BTAF1: variants seen among roughly 807,000 people sequenced by gnomAD.
BTAF1 encodes the protein TATA-binding protein-associated factor 172.
BTAF1 carries 38 observed loss-of-function variants against 227.1 expected under a neutral mutation model. The observed-to-expected ratio is 0.17, with a 90% CI of 0.13 to 0.22. BTAF1 has a LOEUF of 0.22. Among genes scored for constraint, BTAF1 ranks in the 10% least tolerant of loss-of-function variants. BTAF1 has a pLI of 1.00. For missense variants in BTAF1, 1,598 were observed against 2,204.0 expected (o/e 0.73, Z 5.51); for synonymous variants, 742 against 751.9 (o/e 0.99, Z 0.21).
chr10:91,937,779 TC>T (rs1356724759), intron 2 of BTAF1, among the ~76,000 whole-genome samples: 2 of 152,194 alleles, frequency 1.3e-5, no homozygotes, highest in African/African-American at 4.8e-5. Flanking sequence ...AGGTTTTTTT[TC>T]CATTCTCCAG....
chr10:92,025,481 C>T (rs1191702972), intron 35 of BTAF1, among the ~76,000 whole-genome samples: 1 of 151,718 alleles, frequency 6.6e-6, no homozygotes, highest in African/African-American at 2.4e-5. Flanking sequence ...TGCTTAGTCC[C>T]AAAGCTGCTG....
In BTAF1 at chr10:92,016,442, A is replaced by G. The variant is rs376364195; in HGVS notation, c.4687A>G (p.Lys1563Glu). Reference sequence around the variant, plus strand: ...TGAAGAAACTGAAAAACCAAAGCTTAAAGCTACAGGCCACGTATTCCAGGT... The same window carrying G: ...TGAAGAAACTGAAAAACCAAAGCTTGAAGCTACAGGCCACGTATTCCAGGT... ...LSEETEKPKL[K>E]ATGHVFQALQ... The change falls in exon 33 of 38, where the codon AAA becomes GAA. Residue 1563 changes from lysine (K) to glutamate (E), a missense_variant. Physicochemically the swap from Lys to Glu is moderately conservative, Grantham distance 56. Coordinates refer to ENST00000265990, the MANE Select transcript of BTAF1 (RefSeq NM_003972.3). 24 of 1,584,914 alleles carry G rather than the reference A, an allele frequency of 1.5e-5. No individual in the cohort carries two copies. The African/African-American group carries it at 2.5e-4, about 16-fold the overall frequency.
At chr10:92,004,130 C>G (rs999233795) in intron 25 of BTAF1, among the ~76,000 whole-genome samples, 1 of 151,922 alleles carries the variant, frequency 6.6e-6, no homozygotes, top group African/African-American at 2.4e-5. Flanking sequence ...AGATACTAAC[C>G]TCTTATCAAG....
intron 21 of BTAF1, among the ~76,000 whole-genome samples, chr10:91,993,366 CA>C (rs1304815026): frequency 2.6e-5 from 4 of 152,054 alleles, no homozygotes; most frequent in Non-Finnish European, 4.4e-5. Flanking sequence ...CTCTAGCTGA[CA>C]AGTTTCTTTG....
At chr10:91,978,917 T>G (rs1847892950) in intron 14 of BTAF1, among the ~76,000 whole-genome samples, 1 of 151,520 alleles carries the variant, frequency 6.6e-6, no homozygotes, top group Non-Finnish European at 1.5e-5. Context: ...GTTGTAAGAT[T>G]ATTTTGCCAC....
At chr10:91,956,834 T>G (rs12262352) in intron 7 of BTAF1, among the ~76,000 whole-genome samples, 177 bp downstream of exon 7, 1 of 151,738 alleles carries the variant, frequency 6.6e-6, no homozygotes, top group Admixed American at 6.6e-5. Context: ...ACTAAAGATA[T>G]AAAAAATTAG....
chr10:91,926,948 A>G (rs1440124899), intron 1 of BTAF1, among the ~76,000 whole-genome samples: 1 of 152,072 alleles, frequency 6.6e-6, no homozygotes, highest in Non-Finnish European at 1.5e-5. Flanking sequence ...GTCCTTTGTG[A>G]TCTGGTTCCT....
chr10:91,994,562 A>G lies in BTAF1; in HGVS notation c.3227A>G (p.Asp1076Gly). 1 of 1,613,786 alleles carries G rather than the reference A, an allele frequency of 6.2e-7. No homozygotes were observed. The highest frequency in any genetic ancestry group is 1.1e-5 in the South Asian group (1 of 91,076). Reference protein sequence around the residue: ...FDGKSLLDKGDSPAQELVNSL... With the variant: ...FDGKSLLDKGGSPAQELVNSL... Reference sequence around the variant, plus strand: ...GGAAAATCCCTCCTGGATAAGGGAGATAGCCCTGCTCAAGAATTGGTGAAT... The same window carrying G: ...GGAAAATCCCTCCTGGATAAGGGAGGTAGCCCTGCTCAAGAATTGGTGAAT... Residue 1076 changes from aspartate (D) to glycine (G), a missense_variant, in exon 23 of 38, where the codon GAT (aspartate) becomes GGT (glycine). Asp to Gly is a moderately conservative substitution (Grantham distance 94, BLOSUM62 -1). This residue lies in a region of BTAF1 where 425 missense variants were observed against 491.2 expected (regional missense o/e 0.87). Coordinates refer to ENST00000265990, the MANE Select transcript of BTAF1 (RefSeq NM_003972.3).
rs80057906 is a variant in BTAF1, at chr10:91,994,478, G to T, written c.3200-57G>T. On this transcript the variant is annotated intron_variant, in intron 22 of 37. Coordinates refer to ENST00000265990, the MANE Select transcript of BTAF1 (RefSeq NM_003972.3). ...CTGAAAAAGTGCTAAAAGTTTTTGT[G>T]TGCTCTAGATTTTGAAAAATTATTT... The T allele has an allele frequency of 3.1e-3, 4,059 of 1,325,344 alleles. 10 individuals are homozygous for T. Among genetic ancestry groups the T allele is most frequent in the Non-Finnish European group, 3.9e-3 (3,671 of 939,248 alleles). 82.1% of individuals were successfully genotyped at this position (1,325,344 alleles called of 1,614,324 possible). A position where few individuals can be genotyped will look rare whatever the true frequency, so the allele number is the denominator to read the frequency against.
At chr10:91,991,797 G>GTGTATA (rs1554860529) in intron 20 of BTAF1, among the ~76,000 whole-genome samples, 45 of 9,954 alleles carry the variant, frequency 4.5e-3, no homozygotes, top group African/African-American at 7.7e-3. Context: ...GTGTGTGTGT[G>GTGTATA]TATATATATA....
intron 37 of BTAF1, among the ~76,000 whole-genome samples, chr10:92,027,847 G>A (rs1326363186): frequency 2.6e-5 from 4 of 152,092 alleles, no homozygotes; most frequent in Admixed American, 6.6e-5. Context: ...AACCAATATA[G>A]TTGGATTTAA....
chr10:91,977,192 A>G (rs1237980539), intron 14 of BTAF1, among the ~76,000 whole-genome samples: 2 of 152,164 alleles, frequency 1.3e-5, no homozygotes, highest in Admixed American at 6.5e-5. Context: ...TTTAACCTTC[A>G]TTTTCAGGTA....
chr10:91,945,992 G>A (rs1216327272), intron 4 of BTAF1, among the ~76,000 whole-genome samples: 1 of 152,060 alleles, frequency 6.6e-6, no homozygotes, highest in East Asian at 1.9e-4. Flanking sequence ...GATATGATGT[G>A]GTAGTATTTC....
At position 91,982,623 on chromosome 10, in the gene BTAF1, A is replaced by G; in HGVS notation, c.2085A>G (p.Pro695=). The G allele has an allele frequency of 6.2e-7, 1 of 1,613,770 alleles. No homozygotes were observed. The highest frequency in any genetic ancestry group is 1.1e-5 in the South Asian group (1 of 91,022). ...CACTTTGTTGCTGTATTTGTGATCC[A>G]GGTGTAAATGTGGTAACTCAAGAAA... ...LGALCCCICD[P]GVNVVTQEIK... The change falls in exon 18 of 38, where the codon CCA becomes CCG. Residue 695 remains proline (P), a synonymous_variant. Transcript: ENST00000265990.
At chr10:91,968,626 C>T (rs1257820847) in intron 14 of BTAF1, among the ~76,000 whole-genome samples, 1 of 152,196 alleles carries the variant, frequency 6.6e-6, no homozygotes, top group Non-Finnish European at 1.5e-5. Context: ...CAACTGTCTT[C>T]CAAGTGGCTG....
chr10:91,950,758 TA>T (rs1174605787), intron 4 of BTAF1, among the ~76,000 whole-genome samples: 2 of 152,132 alleles, frequency 1.3e-5, no homozygotes, highest in Admixed American at 1.3e-4. Flanking sequence ...GATGTTTTTT[TA>T]GCCCAGTGAG....
chr10:91,982,057 TG>T, intron 16 of BTAF1, 25 bp from the exon 17 acceptor site: 1 of 1,596,882 alleles, frequency 6.3e-7, no homozygotes, highest in Non-Finnish European at 8.5e-7. Flanking sequence ...TAATCTTTAT[TG>T]TTTTTTTTTC....
intron 15 of BTAF1, 106 bp downstream of exon 15, chr10:91,980,664 G>A: frequency 1.2e-6 from 1 of 832,246 alleles, no homozygotes; most frequent in African/African-American, 1.7e-5. Flanking sequence ...ATGGAGATTT[G>A]AAAAGTCTGG....
At chr10:91,952,442 G>A (rs7904126) in intron 5 of BTAF1, among the ~76,000 whole-genome samples, 48,476 of 151,998 alleles carry the variant, frequency 0.32, 8,862 homozygotes, top group South Asian at 0.52. Context: ...AAATGCACAT[G>A]TGAGATATTA....
Sources: allele counts gnomAD v4.1 joint callset (sites outside exome capture counted in the v4.1 genomes callset), GRCh38; gene constraint gnomAD v4.1.1; regional missense constraint gnomAD v4.1.1; transcripts MANE v1.5; gene names NCBI Gene and HGNC (gene_info 2026-07-23, HGNC 2026-07-21).